The following MAF variants were observed in gnomAD, a reference collection of about 807,000 sequenced individuals.
MAF encodes the protein transcription factor Maf.
In MAF, 10 loss-of-function variants were observed where a neutral mutation model predicts 22.0. That is an observed-to-expected ratio of 0.45 (90% CI 0.28 to 0.77). The LOEUF (loss-of-function observed/expected upper bound fraction) is 0.77. Ranked by LOEUF, MAF falls within the 30% of genes least tolerant of loss-of-function variation. The probability of loss-of-function intolerance (pLI) is 0.12; values close to 1 mark genes in which losing one functional copy is unlikely to be tolerated. For missense variants in MAF, 544 were observed against 548.4 expected (o/e 0.99, Z 0.08); for synonymous variants, 337 against 255.8 (o/e 1.32, Z -3.03).
the MAF span, among the ~76,000 whole-genome samples, chr16:79,347,336 C>G: frequency 1.3e-5 from 2 of 152,216 alleles, no homozygotes; most frequent in African/African-American, 2.4e-5. Flanking sequence ...GGGGCCTCAC[C>G]TAGTGAGTGG....
the MAF span, among the ~76,000 whole-genome samples, chr16:79,466,194 G>A: frequency 2.6e-5 from 4 of 152,254 alleles, no homozygotes; most frequent in Non-Finnish European, 5.9e-5. Context: ...AATGAGGCTC[G>A]GAATTCCTCT....
chr16:79,362,142 T>C, the MAF span, among the ~76,000 whole-genome samples: 1 of 152,308 alleles, frequency 6.6e-6, no homozygotes, highest in Non-Finnish European at 1.5e-5. Context: ...CTATTCACAG[T>C]GCTTACCTCA....
chr16:79,363,917 T>G, the MAF span, among the ~76,000 whole-genome samples: 1 of 152,056 alleles, frequency 6.6e-6, no homozygotes, highest in Non-Finnish European at 1.5e-5. Flanking sequence ...GGTAGTTGAG[T>G]TGGAGGGACG....
the MAF span, among the ~76,000 whole-genome samples, chr16:79,376,827 T>C: frequency 6.6e-6 from 1 of 152,242 alleles, no homozygotes; most frequent in Non-Finnish European, 1.5e-5. Flanking sequence ...TCCAGCTTCA[T>C]CCATGTTCCT....
At chr16:79,317,298 CTCCT>C in the MAF span, among the ~76,000 whole-genome samples, 1 of 131,042 alleles carries the variant, frequency 7.6e-6, no homozygotes, top group Admixed American at 8.6e-5. Context: ...CCTTTTCTCC[CTCCT>C]TCCTTCATCT....
At chr16:79,310,675 G>A in the MAF span, among the ~76,000 whole-genome samples, 1 of 152,244 alleles carries the variant, frequency 6.6e-6, no homozygotes, top group Non-Finnish European at 1.5e-5. Context: ...TTTGTTGGGG[G>A]CTCGCCTTGG....
chr16:79,397,662 C>T, the MAF span, among the ~76,000 whole-genome samples: 1 of 152,266 alleles, frequency 6.6e-6, no homozygotes, highest in South Asian at 2.1e-4. Context: ...CTTGCTAGTT[C>T]CCTGCCCTTC....
downstream of MAF, among the ~76,000 whole-genome samples, chr16:79,590,550 G>C (rs1567559830): frequency 6.6e-6 from 1 of 152,178 alleles, no homozygotes; most frequent in East Asian, 1.9e-4. Context: ...AGAAATTATG[G>C]AGAGGACACT....
At chr16:79,451,334 A>G in the MAF span, among the ~76,000 whole-genome samples, 1 of 152,226 alleles carries the variant, frequency 6.6e-6, no homozygotes, top group Non-Finnish European at 1.5e-5. Flanking sequence ...TAATAGGACC[A>G]CAAAACAATG....
chr16:79,431,720 C>T, the MAF span, among the ~76,000 whole-genome samples: 1 of 152,186 alleles, frequency 6.6e-6, no homozygotes, highest in Non-Finnish European at 1.5e-5. Context: ...ATTTCATTTG[C>T]ATCACTAGCA....
the MAF span, among the ~76,000 whole-genome samples, chr16:79,508,686 T>C: frequency 6.6e-6 from 1 of 152,150 alleles, no homozygotes; most frequent in East Asian, 1.9e-4. Context: ...ACAGACTACA[T>C]AAAGGAAAAT....
the MAF span, among the ~76,000 whole-genome samples, chr16:79,233,170 C>T: frequency 2.0e-5 from 3 of 151,960 alleles, no homozygotes; most frequent in Admixed American, 2.0e-4. Flanking sequence ...ACTACCCGTG[C>T]AGGTTTTTCA....
At chr16:79,249,167 C>T in the MAF span, among the ~76,000 whole-genome samples, 2 of 152,082 alleles carry the variant, frequency 1.3e-5, no homozygotes, top group Admixed American at 6.6e-5. Context: ...CGCCTGTAAT[C>T]CCAGCACTTT....
chr16:79,458,053 A>G, the MAF span, among the ~76,000 whole-genome samples: 2 of 151,612 alleles, frequency 1.3e-5, no homozygotes, highest in Admixed American at 1.3e-4. Context: ...GAAGAAAATA[A>G]AAATTGTCCA....
the MAF span, among the ~76,000 whole-genome samples, chr16:79,385,368 G>A: frequency 1.8e-4 from 27 of 152,190 alleles, no homozygotes; most frequent in African/African-American, 5.8e-4. Flanking sequence ...GTCTCTGCCC[G>A]AGTGAGGGTT....
the MAF span, among the ~76,000 whole-genome samples, chr16:79,233,585 G>A: frequency 9.9e-4 from 150 of 152,188 alleles, 4 homozygotes; most frequent in Non-Finnish European, 1.6e-3. Flanking sequence ...AGTACTGTGG[G>A]AACAGAGATC....
At chr16:79,233,339 C>A in the MAF span, among the ~76,000 whole-genome samples, 1 of 151,964 alleles carries the variant, frequency 6.6e-6, no homozygotes, top group Non-Finnish European at 1.5e-5. Flanking sequence ...CCCTAGAGTT[C>A]TGGAAGTAGA....
At chr16:79,353,331 G>C in the MAF span, among the ~76,000 whole-genome samples, 1 of 152,122 alleles carries the variant, frequency 6.6e-6, no homozygotes, top group Non-Finnish European at 1.5e-5. Flanking sequence ...GTTTCACTAT[G>C]TTGCCCAGGC....
At chr16:79,324,644 T>A in the MAF span, among the ~76,000 whole-genome samples, 8 of 152,104 alleles carry the variant, frequency 5.3e-5, no homozygotes, top group Admixed American at 5.2e-4. Context: ...AGAGTCCAGA[T>A]GCAAAGTTCT....
Sources: gnomAD v4.1 joint callset for allele counts (sites outside exome capture counted in the v4.1 genomes callset) on GRCh38, gnomAD v4.1.1 for gene constraint, MANE v1.5 for transcripts, NCBI Gene and HGNC (gene_info 2026-07-23, HGNC 2026-07-21) for gene names.